Variants in ARMC8 observed in about 807,000 individuals in gnomAD.
ARMC8 encodes armadillo repeat-containing protein 8.
Under a neutral mutation model 99.3 loss-of-function variants are expected in ARMC8, and 20 were observed. That is an observed-to-expected ratio of 0.20 (90% confidence interval 0.14 to 0.29). The LOEUF (loss-of-function observed/expected upper bound fraction) is 0.29, where lower values mean the gene tolerates loss of function less well. ARMC8 is among the 10% of genes least tolerant of loss of function. The probability of loss-of-function intolerance (pLI) is 1.00; values close to 1 mark genes in which losing one functional copy is unlikely to be tolerated. For synonymous variants in ARMC8, 263 were observed against 278.3 expected (o/e 0.95, Z 0.55); for missense variants, 569 against 809.5 (o/e 0.70, Z 3.60).
At chr3:138,279,607 GAATT>G (rs1025245972) in intron 18 of ARMC8, among the ~76,000 whole-genome samples, 2 of 152,086 alleles carry the variant, frequency 1.3e-5, no homozygotes, top group Admixed American at 1.3e-4. Flanking sequence ...AATTTGTGAA[GAATT>G]AATTATTTTT....
chr3:138,201,407 TAC>T (rs2044061062), intron 1 of ARMC8, among the ~76,000 whole-genome samples: 1 of 148,930 alleles, frequency 6.7e-6, no homozygotes, highest in African/African-American at 2.5e-5. Context: ...TTGTGCTCTC[TAC>T]CTAGAGTCCT....
At chr3:138,267,048 C>T (rs1387438303) in intron 14 of ARMC8, 107 bp from the exon 15 acceptor site, 1 of 634,366 alleles carries the variant, frequency 1.6e-6, no homozygotes, top group African/African-American at 1.9e-5. Context: ...TACGAAGAAT[C>T]AGGTTGAAAG....
intron 6 of ARMC8, among the ~76,000 whole-genome samples, chr3:138,234,035 G>GA (rs200062292): frequency 0.01 from 1,519 of 150,896 alleles, 28 homozygotes; most frequent in African/African-American, 0.035. Flanking sequence ...CAGAATTGAT[G>GA]AAAAAAAACC....
At chr3:138,270,383 A>T (rs977442206) in intron 16 of ARMC8, among the ~76,000 whole-genome samples, 123 of 152,316 alleles carry the variant, frequency 8.1e-4, no homozygotes, top group Non-Finnish European at 3.7e-4. Flanking sequence ...AACTTAGCTA[A>T]TTCTGGGAAA....
chr3:138,282,425 A>T (rs954696964), intron 18 of ARMC8, among the ~76,000 whole-genome samples: 4 of 152,100 alleles, frequency 2.6e-5, no homozygotes, highest in Non-Finnish European at 5.9e-5. Context: ...GGGCGGGTGG[A>T]TCATGAGGTC....
chr3:138,201,477 TCC>T (rs2044074716), intron 1 of ARMC8, among the ~76,000 whole-genome samples: 1 of 101,946 alleles, frequency 9.8e-6, no homozygotes, highest in African/African-American at 4.0e-5. Flanking sequence ...TTTTTTTTTT[TCC>T]TGAGACAGAG....
chr3:138,199,038 A>G (rs995347798), intron 1 of ARMC8, among the ~76,000 whole-genome samples: 3 of 152,126 alleles, frequency 2.0e-5, no homozygotes, highest in African/African-American at 4.8e-5. Context: ...CAGTTTCCTT[A>G]GTATGTTACA....
intron 2 of ARMC8, among the ~76,000 whole-genome samples, chr3:138,217,801 A>G (rs931955183): frequency 2.0e-5 from 3 of 152,226 alleles, no homozygotes; most frequent in African/African-American, 4.8e-5. Context: ...TTCAGTGTGT[A>G]CAAAGTCAAA....
chr3:138,220,479 C>T (rs1365424714), intron 2 of ARMC8, among the ~76,000 whole-genome samples: 2 of 152,130 alleles, frequency 1.3e-5, no homozygotes, highest in Admixed American at 6.5e-5. Context: ...CAGGCATTCT[C>T]AGTATTTGGC....
At chr3:138,276,571 TA>T (rs2049315391) in intron 18 of ARMC8, among the ~76,000 whole-genome samples, 1 of 152,138 alleles carries the variant, frequency 6.6e-6, no homozygotes, top group African/African-American at 2.4e-5. Flanking sequence ...CTAGAACTAA[TA>T]AATGAGTTAA....
intron 1 of ARMC8, among the ~76,000 whole-genome samples, chr3:138,198,803 C>T (rs550343209): frequency 6.6e-6 from 1 of 151,962 alleles, no homozygotes; most frequent in African/African-American, 2.4e-5. Context: ...TGAGCCACTG[C>T]GCCCGGCCAT....
intron 6 of ARMC8, among the ~76,000 whole-genome samples, chr3:138,233,085 A>C (rs1215512252): frequency 6.6e-6 from 1 of 152,210 alleles, no homozygotes; most frequent in Non-Finnish European, 1.5e-5. Flanking sequence ...CCCCTACTTC[A>C]GTCTTCACCA....
At chr3:138,272,882 A>T (rs1191918679) in intron 16 of ARMC8, 85 bp from the exon 17 acceptor site, 1 of 1,235,734 alleles carries the variant, frequency 8.1e-7, no homozygotes, top group Non-Finnish European at 1.1e-6. Flanking sequence ...AAAAAAATAA[A>T]AAAAAATTAC....
chr3:138,243,635 T>TTA (rs2046737161), intron 11 of ARMC8, among the ~76,000 whole-genome samples: 2 of 152,032 alleles, frequency 1.3e-5, no homozygotes, highest in African/African-American at 2.4e-5. Flanking sequence ...CCACCCCAAA[T>TTA]TATATATATA....
In ARMC8 at chr3:138,252,493, G is replaced by A. The variant is rs184270074; in HGVS notation, c.1134+7310G>A. On this transcript the variant is annotated intron_variant, in intron 12 of 21. Coordinates refer to ENST00000469044, the MANE Select transcript of ARMC8 (RefSeq NM_001363941.2). The stretch of plus-strand genomic sequence containing the variant: ...TTTTGAGACGGGGTCTCGCACTGTC[G>A]CCCAGGCTGGAGTGCTGTGGCACGA... Among the ~76,000 whole-genome samples the A allele has an allele frequency of 9.3e-3, 1,314 of 141,284 alleles. 24 individuals carry two copies. Among genetic ancestry groups the A allele is most frequent in the African/African-American group, 0.034 (1,269 of 37,146 alleles). The allele number at this position is 141,284 out of a possible 152,430, so 92.7% of individuals were successfully genotyped here.
chr3:138,286,685 A>G (rs965614464), intron 19 of ARMC8, among the ~76,000 whole-genome samples: 3 of 151,600 alleles, frequency 2.0e-5, no homozygotes, highest in South Asian at 2.1e-4. Context: ...GGGCATCAGG[A>G]TTTTTTTTTA....
intron 1 of ARMC8, among the ~76,000 whole-genome samples, chr3:138,198,660 G>C (rs2724685): frequency 6.6e-6 from 1 of 151,746 alleles, no homozygotes; most frequent in Non-Finnish European, 1.5e-5. Context: ...CTGCAGGTGC[G>C]TGCCACCACA....
rs779397638 is a variant in ARMC8, at chr3:138,222,043, T to C, written c.194+46T>C. On this transcript the variant is annotated intron_variant, in intron 3 of 21. Transcript: ENST00000469044. ...CTTTCTTGCCATTCATACTAGTTTC[T>C]AATGTATTTCTTACTCTCAATTATA... 5 of 1,453,052 alleles carry C rather than the reference T, an allele frequency of 3.4e-6. No homozygotes were observed. The Admixed American group carries it at 8.5e-5, about 25-fold the overall frequency. 90.0% of individuals were successfully genotyped at this position (1,453,052 alleles called of 1,614,324 possible). A position where few individuals can be genotyped will look rare whatever the true frequency, so the allele number is the denominator to read the frequency against.
chr3:138,288,933 G>A (rs546925915), intron 19 of ARMC8, 115 bp from the exon 20 acceptor site: 1 of 775,482 alleles, frequency 1.3e-6, no homozygotes, highest in South Asian at 1.7e-5. Flanking sequence ...CACCTCACCT[G>A]GCCCTGCTTC....
Sources: gnomAD v4.1 joint callset for allele counts (sites outside exome capture counted in the v4.1 genomes callset) on GRCh38, gnomAD v4.1.1 for gene constraint, MANE v1.5 for transcripts, NCBI Gene and HGNC (gene_info 2026-07-23, HGNC 2026-07-21) for gene names.